The following RAB28 variants were observed in gnomAD, a reference collection of about 807,000 sequenced individuals.
RAB28 encodes ras-related protein Rab-28.
A neutral mutation model predicts 31.7 loss-of-function variants in RAB28; 24 were observed. The ratio of observed to expected loss-of-function variants is 0.76; its 90% CI spans 0.55 to 1.06. RAB28 has a LOEUF of 1.06. Among genes scored for constraint, RAB28 ranks in the 50% least tolerant of loss-of-function variants. RAB28 has a pLI of 0.00. For missense variants in RAB28, 254 were observed against 258.5 expected, an observed-to-expected ratio of 0.98 and a Z score of 0.12; for synonymous variants, 100 against 90.4, an observed-to-expected ratio of 1.11 and a Z score of -0.60.
At chr4:13,404,328 A>C (rs1459101197) in intron 4 of RAB28, among the ~76,000 whole-genome samples, 1 of 151,916 alleles carries the variant, frequency 6.6e-6, no homozygotes. Context: ...CAGTGAGCCG[A>C]GATCACACCA....
chr4:13,381,943 A>G (rs1011986302), intron 4 of RAB28, among the ~76,000 whole-genome samples: 4 of 152,212 alleles, frequency 2.6e-5, no homozygotes, highest in African/African-American at 9.6e-5. Context: ...AATATAGTAC[A>G]TTTAAACATG....
At chr4:13,449,867 C>G (rs552461582) in intron 4 of RAB28, among the ~76,000 whole-genome samples, 1 of 151,772 alleles carries the variant, frequency 6.6e-6, no homozygotes, top group African/African-American at 2.4e-5. Context: ...TTCTATGTAA[C>G]CCCTGTTAAT....
intron 4 of RAB28, among the ~76,000 whole-genome samples, chr4:13,396,011 C>T (rs375111165): frequency 4.6e-5 from 7 of 151,218 alleles, no homozygotes; most frequent in Admixed American, 6.6e-5. Context: ...TACTTGCTGT[C>T]GATGGAAAAA....
intron 4 of RAB28, among the ~76,000 whole-genome samples, chr4:13,455,665 G>A (rs1300679568): frequency 6.6e-6 from 1 of 152,216 alleles, no homozygotes; most frequent in Non-Finnish European, 1.5e-5. Context: ...GTAATCCGGA[G>A]CAAGGCAGCT....
intron 4 of RAB28, among the ~76,000 whole-genome samples, chr4:13,446,730 C>G (rs571445876): frequency 6.6e-6 from 1 of 152,038 alleles, no homozygotes; most frequent in East Asian, 1.9e-4. Flanking sequence ...GTTGGAAATG[C>G]GGAAATCACC....
At chr4:13,444,168 C>CAGT (rs1489011433) in intron 4 of RAB28, among the ~76,000 whole-genome samples, 1 of 152,026 alleles carries the variant, frequency 6.6e-6, no homozygotes, top group Non-Finnish European at 1.5e-5. Flanking sequence ...GCTGGGACTA[C>CAGT]AGGCGCCCGC....
At chr4:13,448,540 A>C (rs1311583033) in intron 4 of RAB28, among the ~76,000 whole-genome samples, 1 of 152,118 alleles carries the variant, frequency 6.6e-6, no homozygotes, top group African/African-American at 2.4e-5. Context: ...TATCCAAAAA[A>C]GTAACTATGA....
intron 3 of RAB28, among the ~76,000 whole-genome samples, chr4:13,469,279 T>A (rs572717172): frequency 4.6e-5 from 7 of 152,180 alleles, no homozygotes; most frequent in African/African-American, 1.7e-4. Context: ...TCCATCACCA[T>A]GTCTCATGTC....
At chr4:13,388,470 C>A (rs1250971764) in intron 4 of RAB28, among the ~76,000 whole-genome samples, 1 of 152,022 alleles carries the variant, frequency 6.6e-6, no homozygotes. Context: ...GTGGTGATTT[C>A]TTGGACATGA....
chr4:13,470,742 T>C (rs963020284), intron 3 of RAB28, among the ~76,000 whole-genome samples: 1 of 152,100 alleles, frequency 6.6e-6, no homozygotes. Context: ...TAAAGACTCC[T>C]AGAAATTTTT....
intron 4 of RAB28, among the ~76,000 whole-genome samples, chr4:13,422,917 A>T (rs934698792): frequency 1.3e-5 from 2 of 152,070 alleles, no homozygotes; most frequent in African/African-American, 4.8e-5. Flanking sequence ...ATGAAAAAAA[A>T]AATAAAATGC....
intron 3 of RAB28, among the ~76,000 whole-genome samples, chr4:13,473,310 TA>T (rs1022538080): frequency 1.3e-5 from 2 of 151,792 alleles, no homozygotes; most frequent in African/African-American, 4.8e-5. Context: ...AATAAAGAAC[TA>T]GAAATTTTTA....
intron 3 of RAB28, among the ~76,000 whole-genome samples, chr4:13,471,200 T>C (rs1716100926): frequency 6.6e-6 from 1 of 152,072 alleles, no homozygotes; most frequent in Non-Finnish European, 1.5e-5. Context: ...ATGAGATAGG[T>C]AATATAAAGC....
intron 4 of RAB28, among the ~76,000 whole-genome samples, chr4:13,445,315 G>C (rs1223260520): frequency 5.9e-5 from 9 of 151,810 alleles, no homozygotes; most frequent in Admixed American, 4.6e-4. Context: ...TTTGCATTGG[G>C]TTATAGCTCA....
At chr4:13,416,971 T>A (rs1577192558) in intron 4 of RAB28, among the ~76,000 whole-genome samples, 1 of 152,292 alleles carries the variant, frequency 6.6e-6, no homozygotes, top group African/African-American at 2.4e-5. Context: ...TCGGGGGATT[T>A]CCCTTTCCTA....
At chr4:13,383,974 G>T (rs569892571) in intron 4 of RAB28, among the ~76,000 whole-genome samples, 2 of 152,112 alleles carry the variant, frequency 1.3e-5, no homozygotes, top group South Asian at 2.1e-4. Context: ...GGATGTACTG[G>T]GGGTCCACAT....
At chr4:13,380,909 A>C (rs71609124) in intron 5 of RAB28, among the ~76,000 whole-genome samples, 1 of 152,048 alleles carries the variant, frequency 6.6e-6, no homozygotes, top group South Asian at 2.1e-4. Context: ...TGACATGGGA[A>C]CAATAAAAAT....
chr4:13,452,103 C>T (rs1000213570), intron 4 of RAB28, among the ~76,000 whole-genome samples: 1 of 151,768 alleles, frequency 6.6e-6, no homozygotes, highest in South Asian at 2.1e-4. Flanking sequence ...TCTAATGATC[C>T]TTTTTGGTCC....
intron 4 of RAB28, among the ~76,000 whole-genome samples, chr4:13,424,360 G>A (rs1388591861): frequency 1.3e-5 from 2 of 152,030 alleles, no homozygotes; most frequent in East Asian, 3.9e-4. Flanking sequence ...GCATTCCTTG[G>A]CTTGTAGCTG....
Sources: allele counts gnomAD v4.1 joint callset (sites outside exome capture counted in the v4.1 genomes callset), GRCh38; gene constraint gnomAD v4.1.1; transcripts MANE v1.5; gene names NCBI Gene and HGNC (gene_info 2026-07-23, HGNC 2026-07-21).